The following FSTL5 variants were observed in gnomAD, a reference collection of about 807,000 sequenced individuals.
The protein encoded by FSTL5 is follistatin like 5.
A neutral mutation model predicts 89.1 loss-of-function variants in FSTL5; 62 were observed. The ratio of observed to expected loss-of-function variants is 0.70; its 90% CI spans 0.57 to 0.86. The LOEUF is 0.86. FSTL5 is among the 40% of genes least tolerant of loss of function. FSTL5 has a pLI of 0.00. For missense variants in FSTL5, 1,057 were observed against 1,001.6 expected, an observed-to-expected ratio of 1.06 and a Z score of -0.75; for synonymous variants, 383 against 346.2, an observed-to-expected ratio of 1.11 and a Z score of -1.18.
chr4:161,745,106 G>T (rs1210256483), intron 6 of FSTL5, among the ~76,000 whole-genome samples: 1 of 151,856 alleles, frequency 6.6e-6, no homozygotes, highest in Non-Finnish European at 1.5e-5. Flanking sequence ...TAAACACAGT[G>T]ATAATATAGC....
At chr4:162,017,365 AG>A (rs1736943972) in intron 3 of FSTL5, among the ~76,000 whole-genome samples, 1 of 152,344 alleles carries the variant, frequency 6.6e-6, no homozygotes, top group East Asian at 1.9e-4. Flanking sequence ...CTAAAATAAA[AG>A]TAAATGCATT....
At chr4:161,907,393 T>C (rs1382715464) in intron 4 of FSTL5, among the ~76,000 whole-genome samples, 2 of 152,074 alleles carry the variant, frequency 1.3e-5, no homozygotes, top group Non-Finnish European at 2.9e-5. Context: ...TGTGAAGATA[T>C]GCAAAAGACA....
At chr4:161,748,073 A>G (rs1341475158) in intron 6 of FSTL5, among the ~76,000 whole-genome samples, 2 of 152,164 alleles carry the variant, frequency 1.3e-5, no homozygotes, top group African/African-American at 4.8e-5. Context: ...AAAATCGAAT[A>G]AAACAATCAA....
chr4:161,432,561 T>C, intron 15 of FSTL5, among the ~76,000 whole-genome samples: 1 of 150,914 alleles, frequency 6.6e-6, no homozygotes, highest in East Asian at 1.9e-4. Flanking sequence ...ACAAACTTAA[T>C]CCAAAATTAG....
intron 7 of FSTL5, among the ~76,000 whole-genome samples, chr4:161,611,340 T>C (rs1734642894): frequency 6.7e-6 from 1 of 150,110 alleles, no homozygotes; most frequent in Non-Finnish European, 1.5e-5. Context: ...TTTACATTAA[T>C]TTATCAAGAA....
chr4:161,496,525 A>T (rs1423230808), intron 12 of FSTL5, among the ~76,000 whole-genome samples: 1 of 152,198 alleles, frequency 6.6e-6, no homozygotes, highest in Non-Finnish European at 1.5e-5. Context: ...CTACCTTAAG[A>T]CTTCAACATA....
intron 10 of FSTL5, among the ~76,000 whole-genome samples, chr4:161,526,621 G>A (rs1283236018): frequency 2.0e-5 from 3 of 152,134 alleles, no homozygotes; most frequent in Admixed American, 1.3e-4. Flanking sequence ...ATTAATTTTT[G>A]TATAAGGTTT....
At chr4:162,013,274 C>T (rs1379197179) in intron 3 of FSTL5, among the ~76,000 whole-genome samples, 1 of 152,072 alleles carries the variant, frequency 6.6e-6, no homozygotes, top group Non-Finnish European at 1.5e-5. Context: ...AGTCCATTCA[C>T]CCAGGTCTTT....
intron 6 of FSTL5, among the ~76,000 whole-genome samples, chr4:161,708,078 C>T (rs544625865): frequency 6.6e-6 from 1 of 152,108 alleles, no homozygotes; most frequent in Non-Finnish European, 1.5e-5. Flanking sequence ...ATGTGGAAAG[C>T]TGGATGTTTC....
chr4:162,025,999 CT>C (rs1263854882), intron 3 of FSTL5, among the ~76,000 whole-genome samples: 1 of 151,386 alleles, frequency 6.6e-6, no homozygotes, highest in African/African-American at 2.4e-5. Flanking sequence ...AGCAAATATA[CT>C]CTTTTATAAA....
intron 12 of FSTL5, among the ~76,000 whole-genome samples, chr4:161,489,163 A>ATTC (rs1325520002): frequency 2.0e-5 from 3 of 152,168 alleles, no homozygotes; most frequent in African/African-American, 7.2e-5. Flanking sequence ...TACAGAACAT[A>ATTC]AAAACCAAAT....
intron 6 of FSTL5, among the ~76,000 whole-genome samples, chr4:161,718,290 GC>G (rs1402440573): frequency 6.6e-6 from 1 of 152,040 alleles, no homozygotes; most frequent in Non-Finnish European, 1.5e-5. Context: ...AATTAATTTT[GC>G]TTAATGATTT....
At chr4:161,702,667 T>C (rs1021916904) in intron 6 of FSTL5, among the ~76,000 whole-genome samples, 8 of 152,186 alleles carry the variant, frequency 5.3e-5, no homozygotes, top group African/African-American at 1.7e-4. Flanking sequence ...CTACCTTCTA[T>C]TGAGTGATTT....
At chr4:161,576,400 C>T (rs371201360) in intron 8 of FSTL5, among the ~76,000 whole-genome samples, 22 of 152,120 alleles carry the variant, frequency 1.4e-4, no homozygotes, top group Admixed American at 2.6e-4. Context: ...GGAGGCATCA[C>T]GCTATCTGAC....
chr4:161,566,099 ACT>A (rs1491175040), intron 8 of FSTL5, among the ~76,000 whole-genome samples: 40 of 24,620 alleles, frequency 1.6e-3, no homozygotes, highest in African/African-American at 5.1e-3. Flanking sequence ...TTTTTTTTGG[ACT>A]ATATATATAT....
rs527955964 is a variant in FSTL5 at position 162,045,055 on chromosome 4, G to A, written c.127-11397C>T. ...AGCACTTTTAATTTTCTTCGAGAAC[G>A]TTTCCTTTGTACTCACAACTTGGCT... is the stretch of plus-strand genomic sequence containing the variant. On this transcript the variant is annotated intron_variant, in intron 2 of 15. Coordinates refer to ENST00000306100, the MANE Select transcript of FSTL5 (RefSeq NM_020116.5). Among the ~76,000 whole-genome samples the A allele has an allele frequency of 9.9e-5, 15 of 152,178 alleles. No individual in the cohort carries two copies. The East Asian group carries it at 2.3e-3, about 24-fold the overall frequency.
chr4:161,472,358 A>T (rs1167017333), intron 13 of FSTL5, among the ~76,000 whole-genome samples: 4 of 151,922 alleles, frequency 2.6e-5, no homozygotes, highest in African/African-American at 4.8e-5. Context: ...TCTAATTTTT[A>T]TCAGTTCCTT....
intron 4 of FSTL5, among the ~76,000 whole-genome samples, chr4:161,784,040 A>G (rs1027123277): frequency 6.6e-6 from 1 of 151,520 alleles, no homozygotes; most frequent in Non-Finnish European, 1.5e-5. Context: ...GATTCCAGCT[A>G]TTCCCCTGCC....
chr4:161,526,276 CT>C lies in FSTL5; in HGVS notation c.1312+11889del, dbSNP rs550389201. ...ATTATATTTACAAACACAATTTGAC[CT>C]ATTAGGGCATATTTGAGATAAAAGT... On this transcript the variant is annotated intron_variant, in intron 10 of 15. Transcript: ENST00000306100. 2.3e-3 allele frequency among the ~76,000 whole-genome samples: 348 copies of C among 152,078 alleles called. 2 individuals are homozygous for C. The highest frequency in any genetic ancestry group is 8.2e-3 in the African/African-American group (342 of 41,512).
Sources: gnomAD v4.1 joint callset for allele counts (sites outside exome capture counted in the v4.1 genomes callset) on GRCh38, gnomAD v4.1.1 for gene constraint, MANE v1.5 for transcripts, NCBI Gene and HGNC (gene_info 2026-07-23, HGNC 2026-07-21) for gene names.